The following DENND1A variants were observed in gnomAD, a reference collection of about 807,000 sequenced individuals.
DENND1A encodes the protein DENN domain-containing protein 1A.
Under a neutral mutation model 113.7 loss-of-function variants are expected in DENND1A, and 51 were observed. The observed-to-expected ratio is 0.45, with a 90% confidence interval of 0.36 to 0.57. The LOEUF (loss-of-function observed/expected upper bound fraction) is 0.57, where lower values mean the gene tolerates loss of function less well. Among genes scored for constraint, DENND1A ranks in the 20% least tolerant of loss-of-function variants. The pLI is 0.00. For synonymous variants in DENND1A, 565 were observed against 570.8 expected (o/e 0.99, Z 0.14); for missense variants, 1,258 against 1,395.9 (o/e 0.90, Z 1.57).
intron 19 of DENND1A, among the ~76,000 whole-genome samples, chr9:123,420,450 G>A (rs1005862428): frequency 5.9e-5 from 9 of 152,160 alleles, no homozygotes; most frequent in South Asian, 2.1e-4. Context: ...AGGATCGAAG[G>A]GGGTCCGGGA....
intron 12 of DENND1A, among the ~76,000 whole-genome samples, chr9:123,567,188 A>C (rs1442173294): frequency 6.6e-6 from 1 of 152,238 alleles, no homozygotes; most frequent in Non-Finnish European, 1.5e-5. Context: ...GGTCAGATTT[A>C]AACTATCACC....
At chr9:123,587,787 T>C (rs1005977894) in intron 11 of DENND1A, among the ~76,000 whole-genome samples, 9 of 152,206 alleles carry the variant, frequency 5.9e-5, no homozygotes, top group Non-Finnish European at 1.2e-4. Flanking sequence ...ATCAGGAGCA[T>C]TTCATCTTTT....
chr9:123,847,693 G>T (rs1433736510), intron 2 of DENND1A, among the ~76,000 whole-genome samples: 1 of 152,208 alleles, frequency 6.6e-6, no homozygotes, highest in Non-Finnish European at 1.5e-5. Flanking sequence ...CCAGCACTTT[G>T]GGAGGCCAAG....
At chr9:123,681,882 CCAGGG>C (rs2064486514) in intron 5 of DENND1A, among the ~76,000 whole-genome samples, 1 of 151,490 alleles carries the variant, frequency 6.6e-6, no homozygotes, top group Non-Finnish European at 1.5e-5. Flanking sequence ...ATGTCTGATT[CCAGGG>C]CTGGGGCTGG....
intron 2 of DENND1A, among the ~76,000 whole-genome samples, chr9:123,861,687 G>T (rs1292893913): frequency 6.6e-6 from 1 of 152,158 alleles, no homozygotes. Flanking sequence ...AAGCATTCAA[G>T]AGAAAGCAAA....
Position 123,630,068 on chromosome 9 carries a change from TCTCA to T in DENND1A, c.719+304_719+307del, listed in dbSNP as rs1368567224. Among the ~76,000 whole-genome samples the T allele has an allele frequency of 2.0e-5, 3 of 151,984 alleles. No individual in the cohort carries two copies. In the East Asian group the frequency reaches 5.8e-4, roughly 29 times the overall value. ...TATTATTATTATTATTGAGACAGAG[TCTCA>T]CTCTGTTGCCCGGGATGGAGTGCAG... On this transcript the variant is annotated intron_variant, in intron 10 of 23. Coordinates refer to ENST00000394215, the MANE Select transcript of DENND1A (RefSeq NM_001352964.2).
chr9:123,737,604 A>C (rs976719113), intron 5 of DENND1A, among the ~76,000 whole-genome samples: 2 of 152,180 alleles, frequency 1.3e-5, no homozygotes, highest in Admixed American at 1.3e-4. Flanking sequence ...TTTTGTACAC[A>C]TTCCTCGATC....
intron 5 of DENND1A, among the ~76,000 whole-genome samples, chr9:123,753,227 C>G (rs1309877293): frequency 1.3e-5 from 2 of 152,074 alleles, no homozygotes; most frequent in African/African-American, 4.8e-5. Flanking sequence ...AGCTATGTGC[C>G]AGAATATTCT....
intron 2 of DENND1A, among the ~76,000 whole-genome samples, chr9:123,845,704 A>C (rs904626954): frequency 1.3e-5 from 2 of 151,138 alleles, no homozygotes; most frequent in African/African-American, 4.9e-5. Flanking sequence ...AAGAGGAATA[A>C]AAAAGGAATG....
intron 2 of DENND1A, among the ~76,000 whole-genome samples, chr9:123,862,160 T>C (rs1845148429): frequency 6.6e-6 from 1 of 152,166 alleles, no homozygotes; most frequent in Admixed American, 6.5e-5. Context: ...CCAACAAGAG[T>C]TCTTCATCTG....
At chr9:123,539,506 T>G (rs960796177) in intron 13 of DENND1A, among the ~76,000 whole-genome samples, 1 of 152,158 alleles carries the variant, frequency 6.6e-6, no homozygotes, top group Admixed American at 6.5e-5. Context: ...GAAATCAAGA[T>G]AGTGGCATGA....
intron 5 of DENND1A, among the ~76,000 whole-genome samples, chr9:123,713,264 C>T (rs1403852915): frequency 6.6e-6 from 1 of 152,162 alleles, no homozygotes; most frequent in East Asian, 1.9e-4. Flanking sequence ...TCAAACGGTA[C>T]AGCATGAAAG....
intron 3 of DENND1A, among the ~76,000 whole-genome samples, chr9:123,786,900 G>A (rs1449823167): frequency 6.6e-6 from 1 of 151,818 alleles, no homozygotes; most frequent in Non-Finnish European, 1.5e-5. Context: ...CTGGAAGCAT[G>A]ACAACACCCA....
At chr9:123,744,591 C>T (rs2069310797) in intron 5 of DENND1A, among the ~76,000 whole-genome samples, 1 of 152,068 alleles carries the variant, frequency 6.6e-6, no homozygotes, top group Admixed American at 6.6e-5. Context: ...TAAGTGCCTA[C>T]CTCATTACCA....
intron 1 of DENND1A, among the ~76,000 whole-genome samples, chr9:123,885,005 A>AGTG (rs1564444476): frequency 7.3e-6 from 1 of 137,106 alleles, no homozygotes; most frequent in African/African-American, 3.4e-5. Context: ...GCGCACACAC[A>AGTG]CACACACACA....
chr9:123,845,040 G>A (rs941312100), intron 2 of DENND1A, among the ~76,000 whole-genome samples: 5 of 151,664 alleles, frequency 3.3e-5, no homozygotes, highest in East Asian at 2.0e-4. Context: ...CCAACATGGC[G>A]AAACACCATC....
chr9:123,802,471 A>G (rs1361743840), intron 2 of DENND1A, among the ~76,000 whole-genome samples: 1 of 162 alleles, frequency 6.2e-3, no homozygotes, highest in Non-Finnish European at 0.012. Context: ...TGGGGATCAT[A>G]CTGCATTGCC....
At chr9:123,833,496 C>A (rs1840592929) in intron 2 of DENND1A, among the ~76,000 whole-genome samples, 1 of 152,016 alleles carries the variant, frequency 6.6e-6, no homozygotes, top group Admixed American at 6.6e-5. Flanking sequence ...GAGAACCCTG[C>A]CAATTCCTAA....
intron 1 of DENND1A, among the ~76,000 whole-genome samples, chr9:123,879,861 G>C (rs1050096129): frequency 6.6e-6 from 1 of 152,160 alleles, no homozygotes; most frequent in Non-Finnish European, 1.5e-5. Context: ...CAATCTAAAC[G>C]TAAGACACTG....
Sources: gnomAD v4.1 joint callset for allele counts (sites outside exome capture counted in the v4.1 genomes callset) on GRCh38, gnomAD v4.1.1 for gene constraint, MANE v1.5 for transcripts, NCBI Gene and HGNC (gene_info 2026-07-23, HGNC 2026-07-21) for gene names.